FAM241A: variants seen among roughly 807,000 people sequenced by gnomAD.
The protein encoded by FAM241A is uncharacterized protein FAM241A.
A neutral mutation model predicts 12.2 loss-of-function variants in FAM241A; 7 were observed. That is an observed-to-expected ratio of 0.58 (90% CI 0.33 to 1.08). The LOEUF is 1.08. Among genes scored for constraint, FAM241A ranks in the 50% least tolerant of loss-of-function variants. The pLI is 0.04. For missense variants in FAM241A, 161 were observed against 169.7 expected (o/e 0.95, Z 0.29); for synonymous variants, 74 against 68.2 (o/e 1.08, Z -0.42).
At chr4:112,155,011 C>G (rs1388787141) in intron 1 of FAM241A, among the ~76,000 whole-genome samples, 1 of 151,814 alleles carries the variant, frequency 6.6e-6, no homozygotes, top group African/African-American at 2.4e-5. Flanking sequence ...CCAGCCTGGG[C>G]GACAGAGCAA....
Position 112,171,338 on chromosome 4 carries a change from C to T in FAM241A, c.154-15355C>T, listed in dbSNP as rs189482991. The T allele has an allele frequency of 4.1e-3, 3,072 of 752,444 alleles. 47 individuals carry two copies. Among genetic ancestry groups the T allele is most frequent in the Middle Eastern group, 6.3e-3 (17 of 2,716 alleles). The allele number at this position is 752,444 out of a possible 1,614,324, so 46.6% of individuals were successfully genotyped here. ...TGTATGCCCAGGGAAAGCGGTGTTA[C>T]GACAAGAAGCAGAGTGACTATGGGG... On this transcript the variant is annotated intron_variant, in intron 1 of 1. Coordinates refer to ENST00000309733, the MANE Select transcript of FAM241A (RefSeq NM_152400.3).
At chr4:112,153,489 T>G (rs1009834692) in intron 1 of FAM241A, among the ~76,000 whole-genome samples, 1 of 152,222 alleles carries the variant, frequency 6.6e-6, no homozygotes, top group Non-Finnish European at 1.5e-5. Context: ...TCCGAAAACC[T>G]TGTTCCTACT....
In FAM241A at chr4:112,145,506, G is replaced by C. The variant is rs1177475014; in HGVS notation, c.-75G>C. ...TGCGGCGGATCCCAGGGCAGCCTTC[G>C]GGCGGCGGCGCTGCCTGGTGCGTCG... On this transcript the variant is annotated 5_prime_UTR_variant, in exon 1 of 2. Transcript: ENST00000309733. 1.7e-6 allele frequency: 2 copies of C among 1,185,174 alleles called. No individual in the cohort carries two copies. Among genetic ancestry groups the C allele is most frequent in the Non-Finnish European group, 1.0e-6 (1 of 954,200 alleles). The allele number at this position is 1,185,174 out of a possible 1,614,324, so 73.4% of individuals were successfully genotyped here. A position where few individuals can be genotyped will look rare whatever the true frequency, so the allele number is the denominator to read the frequency against.
rs906180034 is a variant in FAM241A at position 112,192,287 on chromosome 4, G to C, written c.*5349G>C. On this transcript the variant is annotated 3_prime_UTR_variant, in exon 2 of 2. Transcript: ENST00000309733. Reference sequence around the variant, plus strand: ...CTGATACTACCAGAACTTCACTTTTGTTCAGTATTTTTTAATAGACCTTTA... The same window carrying C: ...CTGATACTACCAGAACTTCACTTTTCTTCAGTATTTTTTAATAGACCTTTA... The C allele has an allele frequency of 2.6e-5, 4 of 151,892 alleles. No individual in the cohort carries two copies. The highest frequency in any genetic ancestry group is 5.9e-5 in the Non-Finnish European group (4 of 67,914). 9.4% of individuals were successfully genotyped at this position (151,892 alleles called of 1,614,324 possible).
chr4:112,154,031 G>A (rs1412865130), intron 1 of FAM241A, among the ~76,000 whole-genome samples: 2 of 151,984 alleles, frequency 1.3e-5, no homozygotes, highest in African/African-American at 4.8e-5. Flanking sequence ...TTACTTGAAT[G>A]TCTGCAGATG....
At chr4:112,158,033 C>T (rs899544895) in intron 1 of FAM241A, among the ~76,000 whole-genome samples, 4 of 151,756 alleles carry the variant, frequency 2.6e-5, no homozygotes, top group Non-Finnish European at 5.9e-5. Flanking sequence ...ATAAAAATAT[C>T]CAATGTAAAA....
In FAM241A at chr4:112,186,695, T is replaced by C. The variant is rs1327721348; in HGVS notation, c.156T>C (p.Asp52=). 1 of 1,601,862 alleles carries C rather than the reference T, an allele frequency of 6.2e-7. No homozygotes were observed. Among genetic ancestry groups the C allele is most frequent in the Non-Finnish European group, 8.5e-7 (1 of 1,175,656 alleles). Residue 52 remains aspartate, a splice_region_variant and synonymous_variant, in exon 2 of 2, where the codon GAT becomes GAC. Transcript: ENST00000309733. The part of the protein sequence containing the change: ...RGQRPKESEQ[D]VEDSQNHTGE... ...TGTCTTTTTTTTTTTTTTTAAAGGA[T>C]GTTGAAGACTCACAGAACCACACTG... is the stretch of plus-strand genomic sequence containing the variant.
intron 1 of FAM241A, among the ~76,000 whole-genome samples, chr4:112,167,573 A>C (rs894077489): frequency 1.3e-5 from 2 of 152,216 alleles, no homozygotes; most frequent in Non-Finnish European, 2.9e-5. Flanking sequence ...AGATCTGAAG[A>C]GTTGCCTGAG....
intron 1 of FAM241A, among the ~76,000 whole-genome samples, chr4:112,182,762 A>G (rs878989735): frequency 2.6e-5 from 4 of 152,176 alleles, no homozygotes; most frequent in Admixed American, 2.6e-4. Flanking sequence ...TCACAACAGA[A>G]TTGGCAAACG....
At chr4:112,161,079 G>C (rs144855962) in intron 1 of FAM241A, among the ~76,000 whole-genome samples, 1 of 152,046 alleles carries the variant, frequency 6.6e-6, no homozygotes, top group African/African-American at 2.4e-5. Flanking sequence ...AAGTTAAAAA[G>C]CTGCACAGAA....
chr4:112,185,777 TTGGAAAAC>T (rs1306836921), intron 1 of FAM241A, among the ~76,000 whole-genome samples: 1 of 152,116 alleles, frequency 6.6e-6, no homozygotes, highest in Non-Finnish European at 1.5e-5. Context: ...TCTACAAGTG[TTGGAAAAC>T]CCCCAAATTG....
chr4:112,177,904 A>G (rs944459380), intron 1 of FAM241A, among the ~76,000 whole-genome samples: 5 of 152,182 alleles, frequency 3.3e-5, no homozygotes, highest in Non-Finnish European at 7.3e-5. Flanking sequence ...TATAATGAAT[A>G]TTGATATTAC....
chr4:112,182,197 A>G (rs1723953873), intron 1 of FAM241A, among the ~76,000 whole-genome samples: 1 of 152,188 alleles, frequency 6.6e-6, no homozygotes. Flanking sequence ...TGGTGGTACC[A>G]TTCACTGACC....
At position 112,188,438 on chromosome 4, in the gene FAM241A, TGTTA is replaced by T. The variant is rs1235295529; in HGVS notation, c.*1503_*1506del. 6.6e-6 allele frequency: 1 copy of T among 152,188 alleles called. No individual in the cohort carries two copies. Among genetic ancestry groups the T allele is most frequent in the Non-Finnish European group, 1.5e-5 (1 of 68,004 alleles). 9.4% of individuals were successfully genotyped at this position (152,188 alleles called of 1,614,324 possible). On this transcript the variant is annotated 3_prime_UTR_variant, in exon 2 of 2. Coordinates refer to ENST00000309733, the MANE Select transcript of FAM241A (RefSeq NM_152400.3). ...AAAATCAGATAATCCTAAACAAAAA[TGTTA>T]GTCAGGGTCACTAAAAAGTATTGCA...
chr4:112,187,735 C>A lies in FAM241A; in HGVS notation c.*797C>A, dbSNP rs1017879720. On this transcript the variant is annotated 3_prime_UTR_variant, in exon 2 of 2. Coordinates refer to ENST00000309733, the MANE Select transcript of FAM241A (RefSeq NM_152400.3). ...ATATTTTCTTGTATCTAACAAGTTG[C>A]ATATTTTTTCCTAGAGAGACATTTT... is the stretch of plus-strand genomic sequence containing the variant. 1 of 152,276 alleles carries A rather than the reference C, an allele frequency of 6.6e-6. No individual in the cohort carries two copies. The highest frequency in any genetic ancestry group is 6.6e-5 in the Admixed American group (1 of 15,258). 9.4% of individuals were successfully genotyped at this position (152,276 alleles called of 1,614,324 possible). A position where few individuals can be genotyped will look rare whatever the true frequency, so the allele number is the denominator to read the frequency against.
At chr4:112,173,351 A>G (rs1263610215) in intron 1 of FAM241A, among the ~76,000 whole-genome samples, 2 of 152,224 alleles carry the variant, frequency 1.3e-5, no homozygotes, top group South Asian at 2.1e-4. Context: ...TTTTCTAAAA[A>G]ATAGGTTTGA....
Position 112,192,378 on chromosome 4 carries a change from G to A in FAM241A, c.*5440G>A, listed in dbSNP as rs1724183971. On this transcript the variant is annotated 3_prime_UTR_variant, in exon 2 of 2. Transcript: ENST00000309733. ...ATTGTTATTATACTTTAAGTTTTAG[G>A]GTACATGTGTACAATGTGCAGGTTA... 6.6e-6 allele frequency: 1 copy of A among 150,416 alleles called. No homozygotes were observed. Among genetic ancestry groups the A allele is most frequent in the Non-Finnish European group, 1.5e-5 (1 of 67,546 alleles). The allele number at this position is 150,416 out of a possible 1,614,324, so 9.3% of individuals were successfully genotyped here.
chr4:112,176,197 A>G (rs1723817392), intron 1 of FAM241A, among the ~76,000 whole-genome samples: 1 of 152,366 alleles, frequency 6.6e-6, no homozygotes, highest in African/African-American at 2.4e-5. Flanking sequence ...ACTTGAAAAA[A>G]TACAACTGAA....
chr4:112,182,159 G>A (rs2110434606), intron 1 of FAM241A, among the ~76,000 whole-genome samples: 1 of 152,170 alleles, frequency 6.6e-6, no homozygotes, highest in East Asian at 1.9e-4. Context: ...ATGCCTTAGA[G>A]TTCTGACCTT....
Sources: allele counts gnomAD v4.1 joint callset (sites outside exome capture counted in the v4.1 genomes callset), GRCh38; gene constraint gnomAD v4.1.1; transcripts MANE v1.5; gene names NCBI Gene and HGNC (gene_info 2026-07-23, HGNC 2026-07-21).